Variants in NUDT13 observed in about 807,000 individuals in gnomAD.
NUDT13 encodes NAD(P)H pyrophosphatase NUDT13, mitochondrial.
In NUDT13, 40 loss-of-function variants were observed where a neutral mutation model predicts 41.7. The observed-to-expected ratio is 0.96, with a 90% CI of 0.75 to 1.25. NUDT13 has a LOEUF of 1.25. NUDT13 is among the 50% of genes most tolerant of loss of function. The pLI, the probability that NUDT13 is intolerant of heterozygous loss-of-function variation, is 0.00. For missense variants in NUDT13, 390 were observed against 416.1 expected, an observed-to-expected ratio of 0.94 and a Z score of 0.55; for synonymous variants, 145 against 155.5, an observed-to-expected ratio of 0.93 and a Z score of 0.50.
chr10:73,123,860 T>C (rs1298331825), intron 4 of NUDT13, among the ~76,000 whole-genome samples: 1 of 152,018 alleles, frequency 6.6e-6, no homozygotes, highest in East Asian at 1.9e-4. Context: ...GGTTTCACCA[T>C]GTTGGCCAGG....
At chr10:73,114,597 G>A (rs1372380523) in intron 2 of NUDT13, 149 bp downstream of exon 2, 30 of 236,282 alleles carry the variant, frequency 1.3e-4, no homozygotes, top group South Asian at 1.7e-4. Flanking sequence ...GTGTGTGTGT[G>A]TATATATATA....
chr10:73,118,322 G>A (rs1471384112), intron 2 of NUDT13, among the ~76,000 whole-genome samples: 1 of 152,120 alleles, frequency 6.6e-6, no homozygotes, highest in Non-Finnish European at 1.5e-5. Context: ...ATAGCACTGG[G>A]GTGCATTTGT....
At chr10:73,114,814 G>C (rs7899018) in intron 2 of NUDT13, 6,925 of 153,024 alleles carry the variant, frequency 0.045, 496 homozygotes, top group African/African-American at 0.15. Flanking sequence ...TCATTCCAGA[G>C]AGGGTTGTGC....
chr10:73,122,745 ATTTTTT>A (rs58913434), intron 4 of NUDT13, among the ~76,000 whole-genome samples: 2 of 139,584 alleles, frequency 1.4e-5, no homozygotes, highest in African/African-American at 5.2e-5. Flanking sequence ...CTAATTTTTA[ATTTTTT>A]TTTTTTTTTA....
intron 5 of NUDT13, 41 bp from the exon 6 acceptor site, chr10:73,125,077 A>C (rs1842736868): frequency 1.3e-6 from 2 of 1,572,034 alleles, no homozygotes; most frequent in East Asian, 4.5e-5. Context: ...TGAGCCCCGC[A>C]TTCTCTCCAA....
At chr10:73,127,199 T>C (rs1218154533) in intron 8 of NUDT13, among the ~76,000 whole-genome samples, 3 of 152,046 alleles carry the variant, frequency 2.0e-5, no homozygotes, top group African/African-American at 7.2e-5. Flanking sequence ...GCCAAGATAG[T>C]GAAACCTCAT....
At chr10:73,119,418 T>C (rs958782070) in intron 2 of NUDT13, 1 of 796,924 alleles carries the variant, frequency 1.3e-6, no homozygotes, top group Non-Finnish European at 1.5e-6. Flanking sequence ...TAAGGGTACA[T>C]TGAAGGTAAA....
In NUDT13 at chr10:73,114,464, C is replaced by T; in HGVS notation, c.83+16C>T. 1 of 1,456,582 alleles carries T rather than the reference C, an allele frequency of 6.9e-7. No homozygotes were observed. Among genetic ancestry groups the T allele is most frequent in the Non-Finnish European group, 9.4e-7 (1 of 1,060,678 alleles). 90.2% of individuals were successfully genotyped at this position (1,456,582 alleles called of 1,614,324 possible). Reference sequence around the variant, plus strand: ...CTAAGACACGGTGAGTTTTAGCCAACCTGAGCTTTGATTATTCTGTTTGGC... The same window carrying T: ...CTAAGACACGGTGAGTTTTAGCCAATCTGAGCTTTGATTATTCTGTTTGGC... On this transcript the variant is annotated intron_variant, in intron 2 of 8. Transcript: ENST00000357321.
Position 73,122,243 on chromosome 10 carries a change from T to C in NUDT13, c.292T>C (p.Cys98Arg). ...AATAGAAGATTCTGTGCTGATTGGA[T>C]GCTCTGAGCAGCAGGAAGCATGGTT... Reference protein sequence around the residue: ...QRIEDSVLIGCSEQQEAWFAL... With the variant: ...QRIEDSVLIGRSEQQEAWFAL... Residue 98 changes from cysteine (C) to arginine (R), a missense_variant, in exon 4 of 9, where the codon TGC becomes CGC. Physicochemically the swap from Cys to Arg is radical, Grantham distance 180. Coordinates refer to ENST00000357321, the MANE Select transcript of NUDT13 (RefSeq NM_015901.6). The C allele has an allele frequency of 6.2e-7, 1 of 1,614,012 alleles. No homozygotes were observed. The highest frequency in any genetic ancestry group is 8.5e-7 in the Non-Finnish European group (1 of 1,179,862).
At chr10:73,119,813 G>T (rs1475058684) in intron 2 of NUDT13, among the ~76,000 whole-genome samples, 1 of 152,152 alleles carries the variant, frequency 6.6e-6, no homozygotes, top group Non-Finnish European at 1.5e-5. Flanking sequence ...ACAGAAGTAT[G>T]GGTGAGGTAC....
intron 2 of NUDT13, chr10:73,114,857 G>C (rs1472096944): frequency 6.6e-6 from 1 of 152,538 alleles, no homozygotes; most frequent in African/African-American, 2.4e-5. Flanking sequence ...GCTGCACAGA[G>C]AGGCCAAGGA....
chr10:73,125,651 TTATATA>T (rs57047791), intron 7 of NUDT13, 142 bp downstream of exon 7: 13 of 196,508 alleles, frequency 6.6e-5, no homozygotes, highest in Non-Finnish European at 8.7e-5. Context: ...TTCTGGCATT[TTATATA>T]TATATATATA....
At chr10:73,130,147 T>A (rs541334748) in intron 8 of NUDT13, 5 of 151,504 alleles carry the variant, frequency 3.3e-5, no homozygotes, top group African/African-American at 1.2e-4. Context: ...ATCTTATCTT[T>A]TTTTTTTTAC....
intron 8 of NUDT13, among the ~76,000 whole-genome samples, chr10:73,128,856 A>G (rs1842850372): frequency 6.6e-6 from 1 of 152,114 alleles, no homozygotes; most frequent in Admixed American, 6.6e-5. Flanking sequence ...TCTCCTAAGA[A>G]TTTTATTGTT....
At chr10:73,115,767 T>C (rs186742083) in intron 2 of NUDT13, among the ~76,000 whole-genome samples, 49 of 152,240 alleles carry the variant, frequency 3.2e-4, no homozygotes, top group Admixed American at 2.7e-3. Flanking sequence ...AAGTTTCCTA[T>C]AAATAAAGTA....
At chr10:73,122,100 A>C (rs1234488142) in intron 3 of NUDT13, 75 bp from the exon 4 acceptor site, 2 of 1,481,158 alleles carry the variant, frequency 1.4e-6, no homozygotes, top group Non-Finnish European at 1.8e-6. Context: ...ATTTTCTGTG[A>C]GTCTAATATG....
chr10:73,119,436 C>T lies in NUDT13; in HGVS notation c.84-582C>T, dbSNP rs984662672. The T allele has an allele frequency of 3.1e-6, 3 of 961,928 alleles. No homozygotes were observed. In the South Asian group the frequency reaches 1.4e-4, roughly 46 times the overall value. The allele number at this position is 961,928 out of a possible 1,614,324, so 59.6% of individuals were successfully genotyped here. A position where few individuals can be genotyped will look rare whatever the true frequency, so the allele number is the denominator to read the frequency against. On this transcript the variant is annotated intron_variant, in intron 2 of 8. Coordinates refer to ENST00000357321, the MANE Select transcript of NUDT13 (RefSeq NM_015901.6). The stretch of plus-strand genomic sequence containing the variant: ...GGGTACATTGAAGGTAAAATTTGTT[C>T]TTTATCTTCCCTAGATTGAATGAGG...
At chr10:73,125,954 G>A (rs2133227241) in intron 7 of NUDT13, 1 of 153,020 alleles carries the variant, frequency 6.5e-6, no homozygotes, top group Middle Eastern at 3.3e-3. Flanking sequence ...CCAAAGTGTT[G>A]GGATTACAGG....
At chr10:73,126,900 T>C (rs1401216613) in intron 8 of NUDT13, 73 bp downstream of exon 8, 18 of 1,278,960 alleles carry the variant, frequency 1.4e-5, no homozygotes, top group Non-Finnish European at 1.9e-5. Flanking sequence ...CAAGTACTTA[T>C]TAAGCACTTG....
Sources: gnomAD v4.1 joint callset for allele counts (sites outside exome capture counted in the v4.1 genomes callset) on GRCh38, gnomAD v4.1.1 for gene constraint, MANE v1.5 for transcripts, NCBI Gene and HGNC (gene_info 2026-07-23, HGNC 2026-07-21) for gene names.